Variants in USH2A observed in about 807,000 individuals in gnomAD.
USH2A encodes usherin, also known as Usher syndrome 2A (autosomal recessive, mild).
A neutral mutation model predicts 538.9 loss-of-function variants in USH2A; 443 were observed. The observed-to-expected ratio is 0.82, with a 90% CI of 0.76 to 0.89. The LOEUF (loss-of-function observed/expected upper bound fraction) is 0.89, where lower values mean the gene tolerates loss of function less well. Ranked by LOEUF, USH2A falls within the 40% of genes least tolerant of loss-of-function variation. The pLI is 0.00. For missense variants in USH2A, 6,633 were observed against 6,324.8 expected (o/e 1.05, Z -1.65); for synonymous variants, 2,413 against 2,273.5 (o/e 1.06, Z -1.75).
intron 3 of USH2A, among the ~76,000 whole-genome samples, chr1:216,388,142 G>A (rs1054153440): frequency 3.3e-5 from 5 of 152,140 alleles, no homozygotes; most frequent in Non-Finnish European, 7.3e-5. Flanking sequence ...TTCACTTCAC[G>A]AGTTTAAGTA....
intron 61 of USH2A, among the ~76,000 whole-genome samples, chr1:215,700,525 T>G (rs2102689275): frequency 6.6e-6 from 1 of 152,278 alleles, no homozygotes; most frequent in South Asian, 2.1e-4. Context: ...TTCTTCCTGG[T>G]TTAGTCTTGG....
chr1:216,185,585 G>C (rs141550833), intron 20 of USH2A, among the ~76,000 whole-genome samples: 1 of 151,828 alleles, frequency 6.6e-6, no homozygotes, highest in Non-Finnish European at 1.5e-5. Context: ...AGACATAAGA[G>C]TTAAATTTCC....
At chr1:215,912,493 G>A (rs868309850) in intron 38 of USH2A, among the ~76,000 whole-genome samples, 616 of 21,972 alleles carry the variant, frequency 0.028, 11 homozygotes, top group East Asian at 0.15. Flanking sequence ...ATATATATGT[G>A]TATATATATA....
At chr1:215,820,458 C>A (rs553119164) in intron 47 of USH2A, among the ~76,000 whole-genome samples, 60 of 151,708 alleles carry the variant, frequency 4.0e-4, no homozygotes, top group Middle Eastern at 6.8e-3. Flanking sequence ...ATATTTTAAT[C>A]AATACATAAT....
intron 37 of USH2A, among the ~76,000 whole-genome samples, chr1:215,936,843 A>G (rs183024535): frequency 6.6e-6 from 1 of 152,250 alleles, no homozygotes; most frequent in Non-Finnish European, 1.5e-5. Context: ...ATCAGATTAT[A>G]TTTCAAACTG....
At chr1:216,422,829 A>G (rs1175721569) in intron 1 of USH2A, among the ~76,000 whole-genome samples, 3 of 151,036 alleles carry the variant, frequency 2.0e-5, no homozygotes, top group South Asian at 2.1e-4. Context: ...ATATATAATT[A>G]TTAATAATAT....
At chr1:216,114,349 T>C (rs1160323607) in intron 21 of USH2A, among the ~76,000 whole-genome samples, 1 of 152,064 alleles carries the variant, frequency 6.6e-6, no homozygotes, top group Non-Finnish European at 1.5e-5. Context: ...TTTTCTGTCA[T>C]TACACATGGG....
At chr1:216,215,690 A>G (rs948479337) in intron 15 of USH2A, among the ~76,000 whole-genome samples, 3 of 152,144 alleles carry the variant, frequency 2.0e-5, no homozygotes, top group Non-Finnish European at 4.4e-5. Flanking sequence ...AAGCAGCAAC[A>G]ACCACAAGAG....
chr1:216,380,601 T>A (rs1430565996), intron 3 of USH2A, among the ~76,000 whole-genome samples: 1 of 152,144 alleles, frequency 6.6e-6, no homozygotes, highest in African/African-American at 2.4e-5. Flanking sequence ...TATCACTGAC[T>A]TCAGTGTGAG....
chr1:216,103,415 T>A (rs1408163129), intron 21 of USH2A, among the ~76,000 whole-genome samples: 2 of 152,232 alleles, frequency 1.3e-5, no homozygotes, highest in African/African-American at 2.4e-5. Flanking sequence ...CAACTTAACT[T>A]TGTTATTGCA....
At chr1:216,261,837 C>T (rs931860756) in intron 11 of USH2A, among the ~76,000 whole-genome samples, 1 of 152,148 alleles carries the variant, frequency 6.6e-6, no homozygotes, top group Non-Finnish European at 1.5e-5. Flanking sequence ...GGTGACCCAT[C>T]ACATGCACAA....
chr1:215,802,956 GT>G (rs1274167358), intron 49 of USH2A, among the ~76,000 whole-genome samples: 1 of 151,900 alleles, frequency 6.6e-6, no homozygotes, highest in African/African-American at 2.4e-5. Context: ...ATCCTGACAC[GT>G]ACGACAACAT....
chr1:216,184,800 T>C (rs930164058), intron 20 of USH2A, among the ~76,000 whole-genome samples: 5 of 151,990 alleles, frequency 3.3e-5, no homozygotes, highest in African/African-American at 1.2e-4. Flanking sequence ...TGTACCCGAA[T>C]GCAAAACAAT....
At chr1:215,780,859 G>T (rs1444929885) in intron 54 of USH2A, among the ~76,000 whole-genome samples, 2 of 152,220 alleles carry the variant, frequency 1.3e-5, no homozygotes, top group African/African-American at 4.8e-5. Flanking sequence ...TTGCACTGTG[G>T]CTGAGCAGTG....
intron 20 of USH2A, among the ~76,000 whole-genome samples, chr1:216,185,000 C>A (rs1437697660): frequency 1.4e-4 from 22 of 151,914 alleles, no homozygotes; most frequent in Non-Finnish European, 3.2e-4. Flanking sequence ...AAAGTAATTT[C>A]TCATAAGAAG....
intron 55 of USH2A, among the ~76,000 whole-genome samples, chr1:215,773,785 C>A (rs1181274781): frequency 5.3e-5 from 8 of 152,124 alleles, no homozygotes. Flanking sequence ...CTTCCAGCAT[C>A]CCCTGGTGAT....
At chr1:216,257,178 A>C (rs145294771) in intron 11 of USH2A, among the ~76,000 whole-genome samples, 6 of 152,040 alleles carry the variant, frequency 3.9e-5, no homozygotes, top group African/African-American at 1.4e-4. Flanking sequence ...TTTATTTCCT[A>C]CTGAAGGACT....
chr1:215,735,606 A>G (rs1476877150), intron 60 of USH2A, among the ~76,000 whole-genome samples: 1 of 152,230 alleles, frequency 6.6e-6, no homozygotes, highest in Non-Finnish European at 1.5e-5. Context: ...GAACAAAAGC[A>G]GAAGTATTTA....
At chr1:215,849,112 T>A (rs1028818175) in intron 44 of USH2A, among the ~76,000 whole-genome samples, 5 of 152,184 alleles carry the variant, frequency 3.3e-5, no homozygotes, top group African/African-American at 9.6e-5. Context: ...TCTCCTTTTT[T>A]AAATAGAAAA....
Sources: allele counts gnomAD v4.1 joint callset (sites outside exome capture counted in the v4.1 genomes callset), GRCh38; gene constraint gnomAD v4.1.1; transcripts MANE v1.5; gene names NCBI Gene and HGNC (gene_info 2026-07-23, HGNC 2026-07-21).